Variants in POMGNT1 observed in about 807,000 individuals in gnomAD.
POMGNT1 encodes protein O-linked mannose N-acetylglucosaminyltransferase 1 (beta 1,2-), also known as protein O-linked-mannose beta-1,2-N-acetylglucosaminyltransferase 1.
Under a neutral mutation model 95.6 loss-of-function variants are expected in POMGNT1, and 67 were observed. The observed-to-expected ratio is 0.70, with a 90% confidence interval of 0.58 to 0.86. The LOEUF (loss-of-function observed/expected upper bound fraction) is 0.86, where lower values mean the gene tolerates loss of function less well. Ranked by LOEUF, POMGNT1 falls within the 40% of genes least tolerant of loss-of-function variation. The pLI is 0.00. For missense variants in POMGNT1, 719 were observed against 855.2 expected (o/e 0.84, Z 1.99); for synonymous variants, 298 against 317.9 (o/e 0.94, Z 0.66).
chr1:46,194,795 C>T (rs1488785250), intron 7 of POMGNT1, 49 bp downstream of exon 7: 1 of 1,613,402 alleles, frequency 6.2e-7, no homozygotes, highest in Admixed American at 1.7e-5. Flanking sequence ...GGGTTCTGCT[C>T]CTCCCAGGCT....
chr1:46,194,769 C>T, intron 7 of POMGNT1, 75 bp downstream of exon 7: 2 of 1,613,546 alleles, frequency 1.2e-6, no homozygotes, highest in Admixed American at 1.7e-5. Context: ...TGTTCCCCAC[C>T]CCACCCCATC....
In POMGNT1 at chr1:46,215,170, A is replaced by G. The variant is rs144368187; in HGVS notation, c.-51+4535T>C. 7.9e-3 allele frequency among the ~76,000 whole-genome samples: 1,193 copies of G among 150,988 alleles called. 19 individuals are homozygous for G. The highest frequency in any genetic ancestry group is 0.037 in the Middle Eastern group (11 of 294). On this transcript the variant is annotated intron_variant, in intron 1 of 22. Coordinates refer to the POMGNT1 transcript ENST00000371992. ...GAACCCGGGAGGTGGAGCTTGCAGT[A>G]AGCCAAGATCGCACCATTGCACTCT...
chr1:46,204,922 T>C (rs916119193), intron 1 of POMGNT1, among the ~76,000 whole-genome samples: 5 of 152,188 alleles, frequency 3.3e-5, no homozygotes, highest in African/African-American at 1.2e-4. Context: ...GCTCTCTTCA[T>C]CTCCACAGTA....
chr1:46,195,023 G>T, intron 6 of POMGNT1, 62 bp from the exon 7 acceptor site: 1 of 1,463,916 alleles, frequency 6.8e-7, no homozygotes, highest in South Asian at 1.1e-5. Flanking sequence ...TGGCCTCACA[G>T]AGCACGAACT....
Position 46,192,218 on chromosome 1 carries a change from C to T in POMGNT1, c.1419G>A (p.Trp473Ter), listed in dbSNP as rs754651543. 1 of 1,614,194 alleles carries T rather than the reference C, an allele frequency of 6.2e-7. No homozygotes were observed. Among genetic ancestry groups the T allele is most frequent in the East Asian group, 2.2e-5 (1 of 44,880 alleles). The change falls in exon 17 of 22, where the codon TGG becomes TGA. Residue 473 changes from tryptophan (W) to a stop codon, truncating the protein, a stop_gained. Transcript: ENST00000371984. LOFTEE classifies it high-confidence loss of function. ...EPKWPTPEKL[W>*]DWDMWMRMPE... Reference sequence around the variant, plus strand: ...GCATCCGCATCCACATGTCCCAATCCCAGAGCTGGCAGACATGGACCACGA... The same window carrying T: ...GCATCCGCATCCACATGTCCCAATCTCAGAGCTGGCAGACATGGACCACGA...
chr1:46,203,439 G>A, intron 1 of POMGNT1: 2 of 1,476,160 alleles, frequency 1.4e-6, no homozygotes, highest in Non-Finnish European at 1.8e-6. Context: ...GGAGGGGACC[G>A]TGGAGTCCCA....
intron 9 of POMGNT1, 95 bp from the exon 10 acceptor site, chr1:46,194,020 C>T: frequency 6.3e-7 from 1 of 1,576,528 alleles, no homozygotes. Context: ...TAGGTGCAGA[C>T]TGGAGTAGAC....
intron 1 of POMGNT1, among the ~76,000 whole-genome samples, chr1:46,208,994 G>A (rs907748923): frequency 3.9e-5 from 6 of 152,196 alleles, no homozygotes; most frequent in Non-Finnish European, 5.9e-5. Context: ...GCTCAGTCCC[G>A]AGCCAGCAGT....
rs908815575 is a variant in POMGNT1 at position 46,194,901 on chromosome 1, G to A, written c.595C>T (p.Gln199Ter). ...CTCCAGCCCAGGGCAGGGCCAGCCTGGCTGCCCAGGCTCCTCAGCAGAGCC... is the reference window on the plus strand; with the variant it reads ...CTCCAGCCCAGGGCAGGGCCAGCCTAGCTGCCCAGGCTCCTCAGCAGAGCC... The part of the protein sequence containing the change: ...AKALLRSLGS[Q>*]AGPALGWRDT... Residue 199 changes from glutamine (Q) to a stop codon, truncating the protein, a stop_gained, in exon 7 of 22, where the codon CAG becomes TAG. Coordinates refer to ENST00000371984, the MANE Select transcript of POMGNT1 (RefSeq NM_017739.4). LOFTEE classifies it high-confidence loss of function. 6.2e-7 allele frequency: 1 copy of A among 1,614,140 alleles called. No homozygotes were observed. The highest frequency in any genetic ancestry group is 1.3e-5 in the African/African-American group (1 of 75,062).
rs374173657 is a variant in POMGNT1 at position 46,193,561 on chromosome 1, C to T, written c.1026+3G>A. The T allele has an allele frequency of 2.5e-5, 40 of 1,614,054 alleles. No homozygotes were observed. The highest frequency in any genetic ancestry group is 3.2e-5 in the Non-Finnish European group (38 of 1,180,038). Reference sequence around the variant, plus strand: ...CCCGAGGCACCCCCCAAGTCCTGCTCACCTCATAGTAGCCGTCAATGAAAA... The same window carrying T: ...CCCGAGGCACCCCCCAAGTCCTGCTTACCTCATAGTAGCCGTCAATGAAAA... On this transcript the variant is annotated splice_donor_region_variant and intron_variant, in intron 11 of 21. Transcript: ENST00000371984.
chr1:46,219,825 A>G (rs750552341), exon 1 of POMGNT1: 1 of 1,614,236 alleles, frequency 6.2e-7, no homozygotes, highest in Middle Eastern at 1.6e-4. Flanking sequence ...CAGCCTCACC[A>G]GCAGTCAATA....
chr1:46,190,516 G>T lies in POMGNT1; in HGVS notation c.1606C>A (p.Leu536Met). ...TCCACTTCATAAGCTTCTTTCTTCA[G>T]ACTGAAGAGGAGGGAGAAATGGGTC... ...PGVQLRNVDSLKKEAYEVEVH... is the reference protein window; with the variant it reads ...PGVQLRNVDSMKKEAYEVEVH... Residue 536 changes from leucine to methionine, a missense_variant and splice_region_variant, in exon 19 of 22, where the codon CTG becomes ATG. Around this residue, in one of 5 missense-constraint regions of POMGNT1, gnomAD observed 2 missense variants for 17.6 expected, o/e 0.11. Coordinates refer to ENST00000371984, the MANE Select transcript of POMGNT1 (RefSeq NM_017739.4). 6.2e-7 allele frequency: 1 copy of T among 1,604,518 alleles called. No homozygotes were observed. Among genetic ancestry groups the T allele is most frequent in the South Asian group, 1.1e-5 (1 of 90,850 alleles).
rs34058684 is a variant in POMGNT1 at position 46,197,776 on chromosome 1, G to C, written c.46C>G (p.Arg16Gly). 1 of 1,614,148 alleles carries C rather than the reference G, an allele frequency of 6.2e-7. No homozygotes were observed. The highest frequency in any genetic ancestry group is 1.1e-5 in the South Asian group (1 of 91,086). The change falls in exon 2 of 22, where the codon CGG (arginine) becomes GGG (glycine). Residue 16 changes from arginine (R) to glycine (G), a missense_variant. By Grantham distance (125) the Arg-to-Gly change is moderately radical. This residue lies in a region of POMGNT1 where 466 missense variants were observed against 517.4 expected (regional missense o/e 0.90). Coordinates refer to ENST00000371984, the MANE Select transcript of POMGNT1 (RefSeq NM_017739.4). ...PSPLIKPFGARKKRSWYLTWK... is the reference protein window; with the variant it reads ...PSPLIKPFGAGKKRSWYLTWK... Reference sequence around the variant, plus strand: ...GTAAGGTACCAGCTCCGCTTCTTCCGAGCCCCAAAGGGCTTGATGAGGGGG... The same window carrying C: ...GTAAGGTACCAGCTCCGCTTCTTCCCAGCCCCAAAGGGCTTGATGAGGGGG...
rs1294036034 is a variant in POMGNT1 at position 46,213,386 on chromosome 1, C to T, written c.-51+6319G>A. Among the ~76,000 whole-genome samples, 8 of 100,214 alleles carry T rather than the reference C, an allele frequency of 8.0e-5. No homozygotes were observed. In the East Asian group the frequency reaches 3.6e-3, roughly 45 times the overall value. 65.7% of individuals were successfully genotyped at this position (100,214 alleles called of 152,430 possible). ...GTATATAAATTTTTTAAAATGTCAT[C>T]TAGTTTGTGCATTTACCCTGTCATA... is the stretch of plus-strand genomic sequence containing the variant. On this transcript the variant is annotated intron_variant, in intron 1 of 22. Coordinates refer to the POMGNT1 transcript ENST00000371992.
chr1:46,198,433 C>G lies in POMGNT1; in HGVS notation c.-148G>C, dbSNP rs1658407029. 1.3e-5 allele frequency: 2 copies of G among 150,572 alleles called. No homozygotes were observed. Among genetic ancestry groups the G allele is most frequent in the African/African-American group, 4.9e-5 (2 of 41,136 alleles). The allele number at this position is 150,572 out of a possible 1,614,324, so 9.3% of individuals were successfully genotyped here. On this transcript the variant is annotated 5_prime_UTR_variant, in exon 1 of 22. Coordinates refer to ENST00000371984, the MANE Select transcript of POMGNT1 (RefSeq NM_017739.4). ...CGCCTCCTCCATGCCGCTTGCGGCC[C>G]CGCCCCGGCCTGGCCCGCCCCCCCG...
chr1:46,208,017 G>A (rs968357612), intron 1 of POMGNT1, among the ~76,000 whole-genome samples: 1 of 151,464 alleles, frequency 6.6e-6, no homozygotes, highest in Non-Finnish European at 1.5e-5. Context: ...ACAGGCACCC[G>A]CCTAGTTAAT....
upstream of POMGNT1, among the ~76,000 whole-genome samples, chr1:46,199,267 CAGAT>C: frequency 6.6e-6 from 1 of 152,248 alleles, no homozygotes; most frequent in East Asian, 1.9e-4. Context: ...ATCCCTGTCG[CAGAT>C]AAAGAAATAA....
intron 1 of POMGNT1, among the ~76,000 whole-genome samples, chr1:46,215,604 TA>T (rs984629598): frequency 4.6e-5 from 7 of 152,160 alleles, no homozygotes; most frequent in African/African-American, 1.7e-4. Flanking sequence ...CACTGAAAAT[TA>T]AAAGACATGG....
At position 46,207,002 on chromosome 1, in the gene POMGNT1, G is replaced by A. The variant is rs1658737465; in HGVS notation, c.-50-9131C>T. Among the ~76,000 whole-genome samples, 10 of 152,236 alleles carry A rather than the reference G, an allele frequency of 6.6e-5. No homozygotes were observed. The South Asian group carries it at 2.1e-3, about 32-fold the overall frequency. On this transcript the variant is annotated intron_variant, in intron 1 of 22. Transcript: ENST00000371992. ...GGTTGGGTTTGTGCTCTAGAAAGTC[G>A]ATTTCAAATTGGAAGGAGGCACAGG...
Sources: gnomAD v4.1 joint callset for allele counts (sites outside exome capture counted in the v4.1 genomes callset) on GRCh38, gnomAD v4.1.1 for gene constraint, gnomAD v4.1.1 regional missense constraint, MANE v1.5 for transcripts, NCBI Gene and HGNC (gene_info 2026-07-23, HGNC 2026-07-21) for gene names.